GOLM2: variants seen among roughly 807,000 people sequenced by gnomAD.
GOLM2 encodes golgi membrane protein 2.
GOLM2 carries 26 observed loss-of-function variants against 55.9 expected under a neutral mutation model. That is an observed-to-expected ratio of 0.47 (90% CI 0.34 to 0.65). The LOEUF is 0.65. Among genes scored for constraint, GOLM2 ranks in the 30% least tolerant of loss-of-function variants. The pLI is 0.01. For missense variants in GOLM2, 486 were observed against 531.8 expected (o/e 0.91, Z 0.85); for synonymous variants, 165 against 194.6 (o/e 0.85, Z 1.27).
intron 6 of GOLM2, among the ~76,000 whole-genome samples, chr15:44,369,419 T>C (rs545400761): frequency 6.6e-6 from 1 of 151,720 alleles, no homozygotes; most frequent in African/African-American, 2.4e-5. Flanking sequence ...CTGACATTTA[T>C]ATTATGTTCT....
intron 2 of GOLM2, among the ~76,000 whole-genome samples, chr15:44,326,487 G>C (rs886516675): frequency 6.6e-6 from 1 of 151,406 alleles, no homozygotes; most frequent in Non-Finnish European, 1.5e-5. Context: ...ATAAAATTTA[G>C]AAAGTGTAGA....
chr15:44,410,057 A>T (rs2079627005), intron 9 of GOLM2, among the ~76,000 whole-genome samples: 1 of 152,126 alleles, frequency 6.6e-6, no homozygotes, highest in South Asian at 2.1e-4. Flanking sequence ...GTCCTAAAAG[A>T]TGTGTTTATA....
intron 1 of GOLM2, 105 bp from the exon 2 acceptor site, chr15:44,322,858 CAG>C: frequency 1.5e-6 from 1 of 669,526 alleles, no homozygotes. Flanking sequence ...AATAAATAAC[CAG>C]AGTTTTTTGT....
intron 1 of GOLM2, among the ~76,000 whole-genome samples, chr15:44,293,851 T>C (rs944786302): frequency 6.6e-6 from 1 of 152,230 alleles, no homozygotes; most frequent in South Asian, 2.1e-4. Context: ...GAGTGGGTAG[T>C]TATGTTTTTC....
chr15:44,356,180 A>G (rs563732249), intron 6 of GOLM2, among the ~76,000 whole-genome samples: 17 of 152,284 alleles, frequency 1.1e-4, no homozygotes, highest in Admixed American at 3.9e-4. Flanking sequence ...AATTGAAAAA[A>G]AAAAGGCAAA....
chr15:44,331,661 A>G (rs1174793623), intron 3 of GOLM2, among the ~76,000 whole-genome samples: 1 of 151,842 alleles, frequency 6.6e-6, no homozygotes, highest in Non-Finnish European at 1.5e-5. Context: ...TTTCTCTTCT[A>G]TAGTATTTTT....
rs554405075 is a variant in GOLM2, at chr15:44,316,679, C to T, written c.328-6286C>T. ...CTGAGGCAGGAGAATGGCATGAACC[C>T]GGGAGGTGGAGGTTGCAGTGAGCCG... On this transcript the variant is annotated intron_variant, in intron 1 of 9. Coordinates refer to ENST00000299957, the MANE Select transcript of GOLM2 (RefSeq NM_138423.4). Among the ~76,000 whole-genome samples, 5 of 149,174 alleles carry T rather than the reference C, an allele frequency of 3.4e-5. No homozygotes were observed. The South Asian group carries it at 6.4e-4, about 19-fold the overall frequency.
At chr15:44,325,448 G>C (rs1020140175) in intron 2 of GOLM2, among the ~76,000 whole-genome samples, 1 of 152,144 alleles carries the variant, frequency 6.6e-6, no homozygotes, top group Non-Finnish European at 1.5e-5. Flanking sequence ...TGGGGGGACA[G>C]AGAAGCCATC....
chr15:44,318,698 C>T (rs925862560), intron 1 of GOLM2, among the ~76,000 whole-genome samples: 7 of 145,404 alleles, frequency 4.8e-5, no homozygotes, highest in African/African-American at 1.0e-4. Context: ...AACAGACCGA[C>T]ACTCTGTCTC....
intron 8 of GOLM2, among the ~76,000 whole-genome samples, chr15:44,386,568 C>A (rs374780109): frequency 6.6e-6 from 1 of 152,002 alleles, no homozygotes; most frequent in South Asian, 2.1e-4. Context: ...AAAAAGGCAG[C>A]GATATTTTAA....
intron 6 of GOLM2, among the ~76,000 whole-genome samples, chr15:44,368,751 A>G (rs2079303541): frequency 6.6e-6 from 1 of 151,176 alleles, no homozygotes; most frequent in Non-Finnish European, 1.5e-5. Flanking sequence ...ATACATATAC[A>G]TATATATATA....
At chr15:44,296,189 A>G (rs1252370146) in intron 1 of GOLM2, among the ~76,000 whole-genome samples, 1 of 152,192 alleles carries the variant, frequency 6.6e-6, no homozygotes, top group Non-Finnish European at 1.5e-5. Context: ...GAGTAGCTGA[A>G]ACTACAGGTG....
At chr15:44,349,200 G>A (rs139520504) in intron 6 of GOLM2, among the ~76,000 whole-genome samples, 2,735 of 150,230 alleles carry the variant, frequency 0.018, 40 homozygotes, top group Middle Eastern at 0.038. Context: ...CAGAGGTTGC[G>A]GTGAGCTGAG....
In GOLM2 at chr15:44,337,850, G is replaced by A. The variant is rs2292301; in HGVS notation, c.664G>A (p.Glu222Lys). The change falls in exon 5 of 10, where the codon GAG becomes AAG. Residue 222 changes from glutamate to lysine, a missense_variant. Physicochemically the swap from Glu to Lys is moderately conservative, Grantham distance 56. Transcript: ENST00000299957. ...VVPKNIPKVA[E>K]NVADKNEEPS... Reference sequence around the variant, plus strand: ...ACCTAAAAATATTCCAAAAGTAGCTGAGAATGTTGCAGATAAGAATGAAGA... The same window carrying A: ...ACCTAAAAATATTCCAAAAGTAGCTAAGAATGTTGCAGATAAGAATGAAGA... 18 of 1,605,012 alleles carry A rather than the reference G, an allele frequency of 1.1e-5. No homozygotes were observed. The East Asian group carries it at 3.8e-4, about 34-fold the overall frequency.
chr15:44,361,893 G>A lies in GOLM2; in HGVS notation c.803-17797G>A, dbSNP rs561187723. On this transcript the variant is annotated intron_variant, in intron 6 of 9. Transcript: ENST00000299957. Reference sequence around the variant, plus strand: ...GGGATGCAAGGCTGGTTCAATATACGCAAATCAATAAATGTAATCCAGCAT... The same window carrying A: ...GGGATGCAAGGCTGGTTCAATATACACAAATCAATAAATGTAATCCAGCAT... Among the ~76,000 whole-genome samples the A allele has an allele frequency of 2.1e-3, 319 of 151,820 alleles. 2 individuals carry two copies. The highest frequency in any genetic ancestry group is 7.5e-3 in the African/African-American group (311 of 41,468).
At chr15:44,407,442 T>C (rs1380109921) in intron 9 of GOLM2, among the ~76,000 whole-genome samples, 1 of 151,504 alleles carries the variant, frequency 6.6e-6, no homozygotes, top group Non-Finnish European at 1.5e-5. Flanking sequence ...GTTTTTTGTA[T>C]TTTTTGTAGT....
At chr15:44,356,280 CAATG>C (rs1264093649) in intron 6 of GOLM2, among the ~76,000 whole-genome samples, 1 of 151,750 alleles carries the variant, frequency 6.6e-6, no homozygotes, top group Non-Finnish European at 1.5e-5. Context: ...TAGAGAAAAT[CAATG>C]AAACCAATAG....
At chr15:44,381,567 A>G (rs954897385) in intron 8 of GOLM2, among the ~76,000 whole-genome samples, 1 of 152,160 alleles carries the variant, frequency 6.6e-6, no homozygotes, top group African/African-American at 2.4e-5. Context: ...GCATCTTCTT[A>G]CCTTCAATTC....
chr15:44,389,327 C>T (rs759428023), intron 8 of GOLM2, among the ~76,000 whole-genome samples: 4 of 152,026 alleles, frequency 2.6e-5, no homozygotes, highest in African/African-American at 7.2e-5. Context: ...GCCAGGAGTT[C>T]GAGAGCAGCC....
Sources: gnomAD v4.1 joint callset for allele counts (sites outside exome capture counted in the v4.1 genomes callset) on GRCh38, gnomAD v4.1.1 for gene constraint, MANE v1.5 for transcripts, NCBI Gene and HGNC (gene_info 2026-07-23, HGNC 2026-07-21) for gene names.